The following GIPC2 variants were observed in gnomAD, a reference collection of about 807,000 sequenced individuals.
The protein encoded by GIPC2 is GIPC PDZ domain containing family member 2.
Under a neutral mutation model 30.6 loss-of-function variants are expected in GIPC2, and 30 were observed. The observed-to-expected ratio is 0.98, with a 90% CI of 0.73 to 1.33. The LOEUF is 1.33. Ranked by LOEUF, GIPC2 falls within the 40% of genes most tolerant of loss-of-function variation. The pLI, the probability that GIPC2 is intolerant of heterozygous loss-of-function variation, is 0.00. For missense variants in GIPC2, 414 were observed against 390.3 expected (o/e 1.06, Z -0.51); for synonymous variants, 167 against 150.0 (o/e 1.11, Z -0.83).
intron 3 of GIPC2, among the ~76,000 whole-genome samples, chr1:78,106,494 G>T (rs796849322): frequency 1.4e-5 from 2 of 147,780 alleles, no homozygotes; most frequent in Non-Finnish European, 1.5e-5. Context: ...CAGGGGGCGG[G>T]GCTTGCAGTG....
At chr1:78,104,456 G>C (rs1248209472) in intron 3 of GIPC2, among the ~76,000 whole-genome samples, 1 of 152,126 alleles carries the variant, frequency 6.6e-6, no homozygotes, top group Non-Finnish European at 1.5e-5. Context: ...TGATGAAGCA[G>C]ATATTTGGGA....
At chr1:78,056,166 A>T (rs1328437482) in intron 1 of GIPC2, among the ~76,000 whole-genome samples, 2 of 152,186 alleles carry the variant, frequency 1.3e-5, no homozygotes, top group Non-Finnish European at 2.9e-5. Context: ...CTGGGCAAAG[A>T]CTGGCAGTTA....
At position 78,046,246 on chromosome 1, in the gene GIPC2, G is replaced by A; in HGVS notation, c.152G>A (p.Gly51Asp). ...GTCTTCCACGCGCAGCTGGCGCACG[G>A]TAGTGCCACGGGCCGAGTGGAGGGC... is the stretch of plus-strand genomic sequence containing the variant. ...RLVFHAQLAHGSATGRVEGFS... is the reference protein window; with the variant it reads ...RLVFHAQLAHDSATGRVEGFS... The change falls in exon 1 of 6, where the codon GGT becomes GAT. Residue 51 changes from glycine (G) to aspartate (D), a missense_variant. Physicochemically the swap from Gly to Asp is moderately conservative, Grantham distance 94 (BLOSUM62 -1). Transcript: ENST00000370759. The A allele has an allele frequency of 6.2e-7, 1 of 1,609,936 alleles. No individual in the cohort carries two copies. Among genetic ancestry groups the A allele is most frequent in the South Asian group, 1.1e-5 (1 of 90,478 alleles).
chr1:78,112,859 T>C (rs1156785261), intron 3 of GIPC2, among the ~76,000 whole-genome samples: 1 of 152,216 alleles, frequency 6.6e-6, no homozygotes, highest in Non-Finnish European at 1.5e-5. Context: ...TAAAGAATGA[T>C]ATATGTATAT....
At chr1:78,048,287 G>C (rs1297191108) in intron 1 of GIPC2, among the ~76,000 whole-genome samples, 1 of 152,104 alleles carries the variant, frequency 6.6e-6, no homozygotes, top group African/African-American at 2.4e-5. Flanking sequence ...TCCCTAAGAA[G>C]TAAGTATTAT....
chr1:78,055,701 G>T (rs538860406), intron 1 of GIPC2, among the ~76,000 whole-genome samples: 1 of 152,102 alleles, frequency 6.6e-6, no homozygotes, highest in South Asian at 2.1e-4. Flanking sequence ...AAGAGTCTTT[G>T]TTGTGTCAGG....
chr1:78,120,605 TCA>T (rs1046113212), intron 4 of GIPC2, among the ~76,000 whole-genome samples: 20 of 152,192 alleles, frequency 1.3e-4, no homozygotes, highest in Non-Finnish European at 1.5e-5. Flanking sequence ...TTTAACGGAC[TCA>T]CAGTTCCACA....
Position 78,046,165 on chromosome 1 carries a change from C to G in GIPC2, c.71C>G (p.Pro24Arg). The change falls in exon 1 of 6, where the codon CCG becomes CGG. Residue 24 changes from proline to arginine, a missense_variant. Pro to Arg is a moderately radical substitution (Grantham distance 103). Transcript: ENST00000370759. ...ACCGCCGGGCTGGTGGAGGGCGAGC[C>G]GACGGGCGCGGGCGGCGGGAGCCTC... is the stretch of plus-strand genomic sequence containing the variant. ...KETAGLVEGE[P>R]TGAGGGSLSA... 1 of 1,557,480 alleles carries G rather than the reference C, an allele frequency of 6.4e-7. No homozygotes were observed.
chr1:78,101,628 A>G (rs75910090), intron 3 of GIPC2, among the ~76,000 whole-genome samples: 2,496 of 152,312 alleles, frequency 0.016, 43 homozygotes, highest in South Asian at 0.08. Flanking sequence ...AATCTTTCCC[A>G]TACTTAACAT....
intron 2 of GIPC2, among the ~76,000 whole-genome samples, chr1:78,090,369 A>G (rs1662016163): frequency 1.3e-5 from 2 of 151,884 alleles, no homozygotes. Context: ...TAATTTTTGC[A>G]TTTTTAGTAG....
intron 1 of GIPC2, among the ~76,000 whole-genome samples, chr1:78,065,076 T>A (rs996121713): frequency 1.3e-5 from 2 of 152,100 alleles, no homozygotes; most frequent in Non-Finnish European, 2.9e-5. Flanking sequence ...TAAACTCATG[T>A]GATCTTCTCG....
intron 3 of GIPC2, among the ~76,000 whole-genome samples, chr1:78,100,567 A>G (rs1054842836): frequency 6.6e-6 from 1 of 152,134 alleles, no homozygotes; most frequent in Non-Finnish European, 1.5e-5. Flanking sequence ...AGGAGATAGG[A>G]TAGGAAAGAA....
chr1:78,090,484 C>T lies in GIPC2; in HGVS notation c.427-4468C>T, dbSNP rs536518357. Among the ~76,000 whole-genome samples, 16 of 152,028 alleles carry T rather than the reference C, an allele frequency of 1.1e-4. No homozygotes were observed. In the South Asian group the frequency reaches 1.3e-3, roughly 12 times the overall value. Reference sequence around the variant, plus strand: ...TGCTAGGATTACAGGCATGAGCCACCGCACCAAGCTGAGACTTGTACTTTC... The same window carrying T: ...TGCTAGGATTACAGGCATGAGCCACTGCACCAAGCTGAGACTTGTACTTTC... On this transcript the variant is annotated intron_variant, in intron 2 of 5. Transcript: ENST00000370759.
chr1:78,058,671 A>T lies in GIPC2; in HGVS notation c.240+12337A>T, dbSNP rs192381365. Among the ~76,000 whole-genome samples the T allele has an allele frequency of 1.4e-3, 218 of 152,322 alleles. 1 individual carries two copies. Among genetic ancestry groups the T allele is most frequent in the African/African-American group, 4.9e-3 (203 of 41,572 alleles). ...TAACTTTGGGAACTGTATTTTGTAA[A>T]TTCATGATACATATTAATGGCTTTG... On this transcript the variant is annotated intron_variant, in intron 1 of 5. Coordinates refer to ENST00000370759, the MANE Select transcript of GIPC2 (RefSeq NM_017655.6).
intron 3 of GIPC2, among the ~76,000 whole-genome samples, chr1:78,102,465 A>G (rs1662267150): frequency 6.6e-6 from 1 of 152,260 alleles, no homozygotes; most frequent in Non-Finnish European, 1.5e-5. Context: ...TATCTAGGGA[A>G]AAAATTTCAA....
chr1:78,073,026 G>T (rs1222139218), intron 1 of GIPC2, among the ~76,000 whole-genome samples: 1 of 150,724 alleles, frequency 6.6e-6, no homozygotes, highest in African/African-American at 2.4e-5. Context: ...AGCCAGGATG[G>T]TCTCGATCTC....
chr1:78,133,749 ATTGTGTGTG>A (rs1662946382), intron 5 of GIPC2, among the ~76,000 whole-genome samples: 1 of 96,614 alleles, frequency 1.0e-5, no homozygotes, highest in Admixed American at 1.2e-4. Flanking sequence ...GGAAAAAAAA[ATTGTGTGTG>A]TGTGTGTGTG....
intron 5 of GIPC2, among the ~76,000 whole-genome samples, chr1:78,127,291 G>A (rs952221511): frequency 4.6e-5 from 7 of 152,196 alleles, no homozygotes; most frequent in Admixed American, 2.0e-4. Flanking sequence ...TGCAACTCTA[G>A]TATCAGGCAA....
intron 3 of GIPC2, among the ~76,000 whole-genome samples, chr1:78,111,611 G>A (rs770371076): frequency 6.6e-6 from 1 of 152,178 alleles, no homozygotes; most frequent in African/African-American, 2.4e-5. Flanking sequence ...TATATAAGTT[G>A]TTTTGTTAGG....
Sources: gnomAD v4.1 joint callset for allele counts (sites outside exome capture counted in the v4.1 genomes callset) on GRCh38, gnomAD v4.1.1 for gene constraint, MANE v1.5 for transcripts, NCBI Gene and HGNC (gene_info 2026-07-23, HGNC 2026-07-21) for gene names.